NALCN: variants seen among roughly 807,000 people sequenced by gnomAD.
The protein encoded by NALCN is sodium leak channel NALCN.
NALCN carries 111 observed loss-of-function variants against 225.3 expected under a neutral mutation model. The observed-to-expected ratio is 0.49, with a 90% confidence interval of 0.42 to 0.58. NALCN has a LOEUF of 0.58. Ranked by LOEUF, NALCN falls within the 20% of genes least tolerant of loss-of-function variation. NALCN has a pLI of 0.00. For synonymous variants in NALCN, 764 were observed against 769.0 expected, an observed-to-expected ratio of 0.99 and a Z score of 0.11; for missense variants, 1,378 against 2,202.4, an observed-to-expected ratio of 0.63 and a Z score of 7.49.
intron 6 of NALCN, among the ~76,000 whole-genome samples, chr13:101,346,396 C>A (rs1324742135): frequency 6.6e-6 from 1 of 151,992 alleles, no homozygotes; most frequent in Non-Finnish European, 1.5e-5. Context: ...ACTGTGGGCA[C>A]ACATTTTACT....
chr13:101,270,957 A>G (rs1191277909), intron 10 of NALCN, among the ~76,000 whole-genome samples: 1 of 152,242 alleles, frequency 6.6e-6, no homozygotes, highest in Admixed American at 6.5e-5. Flanking sequence ...TCCAATGGAC[A>G]TTTTAAAAAT....
chr13:101,395,796 C>T (rs1157152728), intron 2 of NALCN, among the ~76,000 whole-genome samples: 1 of 151,864 alleles, frequency 6.6e-6, no homozygotes. Flanking sequence ...CATTTTTGTA[C>T]TATAAGTACC....
At chr13:101,153,532 T>C (rs910141005) in intron 15 of NALCN, among the ~76,000 whole-genome samples, 5 of 152,354 alleles carry the variant, frequency 3.3e-5, no homozygotes, top group Middle Eastern at 3.4e-3. Context: ...CTCCTGATCA[T>C]GCCTCCTTTG....
chr13:101,407,689 T>C (rs1414458444), intron 1 of NALCN, among the ~76,000 whole-genome samples: 2 of 152,134 alleles, frequency 1.3e-5, no homozygotes, highest in African/African-American at 2.4e-5. Flanking sequence ...CCCACATGAA[T>C]TGGAAGCAAG....
intron 7 of NALCN, among the ~76,000 whole-genome samples, chr13:101,297,780 TC>T (rs1322854950): frequency 1.3e-5 from 2 of 152,240 alleles, no homozygotes; most frequent in Admixed American, 1.3e-4. Flanking sequence ...GGCCTGATTA[TC>T]CGGCTTCATT....
In NALCN at chr13:101,107,334, G is replaced by A. The variant is rs528347722; in HGVS notation, c.2579+153C>T. Among the ~76,000 whole-genome samples the A allele has an allele frequency of 1.3e-3, 198 of 152,274 alleles. 3 individuals are homozygous for A. Among genetic ancestry groups the A allele is most frequent in the African/African-American group, 4.4e-3 (183 of 41,548 alleles). On this transcript the variant is annotated intron_variant, in intron 22 of 43. Coordinates refer to ENST00000251127, the MANE Select transcript of NALCN (RefSeq NM_052867.4). ...TGCGACCTTTGTTTTCCACCTGGTC[G>A]GGTGTTCAGCAAAGAGGAGCAGCAT...
intron 10 of NALCN, among the ~76,000 whole-genome samples, chr13:101,269,530 G>A (rs1212650230): frequency 6.6e-6 from 1 of 152,126 alleles, no homozygotes; most frequent in Non-Finnish European, 1.5e-5. Flanking sequence ...CTAAAAGAGG[G>A]ATGCTGTAAC....
At chr13:101,068,488 A>C (rs2032602048) in intron 38 of NALCN, among the ~76,000 whole-genome samples, 1 of 152,218 alleles carries the variant, frequency 6.6e-6, no homozygotes, top group Admixed American at 6.5e-5. Flanking sequence ...GATCATAATA[A>C]ATGCTACAAC....
At chr13:101,128,730 A>ATTT (rs11290264) in intron 17 of NALCN, among the ~76,000 whole-genome samples, 3 of 145,756 alleles carry the variant, frequency 2.1e-5, no homozygotes, top group African/African-American at 7.6e-5. Flanking sequence ...GCTAAGTAAC[A>ATTT]TTTTTTTTTT....
intron 7 of NALCN, among the ~76,000 whole-genome samples, chr13:101,334,188 A>G (rs1351008338): frequency 6.6e-6 from 1 of 152,004 alleles, no homozygotes; most frequent in Non-Finnish European, 1.5e-5. Flanking sequence ...ACGTGTGCAC[A>G]CACACACACA....
At chr13:101,416,744 C>G (rs1158000432), upstream of NALCN, among the ~76,000 whole-genome samples, 2 of 151,808 alleles carry the variant, frequency 1.3e-5, no homozygotes, top group African/African-American at 4.8e-5. Flanking sequence ...ACAGCAACAG[C>G]TAGGCTCTCA....
At chr13:101,339,591 A>G (rs921959039) in intron 7 of NALCN, among the ~76,000 whole-genome samples, 1 of 152,196 alleles carries the variant, frequency 6.6e-6, no homozygotes, top group Non-Finnish European at 1.5e-5. Flanking sequence ...TGCACATCAC[A>G]GCATGGCTGT....
chr13:101,267,633 G>A (rs1347087715), intron 10 of NALCN, among the ~76,000 whole-genome samples: 1 of 152,194 alleles, frequency 6.6e-6, no homozygotes, highest in Non-Finnish European at 1.5e-5. Flanking sequence ...AGCCTAGCCT[G>A]TTGCATGGTG....
At chr13:101,352,651 T>G (rs76527122) in intron 6 of NALCN, among the ~76,000 whole-genome samples, 4,922 of 152,240 alleles carry the variant, frequency 0.032, 273 homozygotes, top group African/African-American at 0.11. Context: ...ATGGATACTG[T>G]GACTGATGCA....
chr13:101,171,559 C>T (rs2038721670), intron 15 of NALCN, among the ~76,000 whole-genome samples: 2 of 152,052 alleles, frequency 1.3e-5, no homozygotes, highest in Non-Finnish European at 2.9e-5. Flanking sequence ...AAAGATTACG[C>T]TGCCCTATTG....
At position 101,071,214 on chromosome 13, in the gene NALCN, G is replaced by C. The variant is rs549867746; in HGVS notation, c.4197+2370C>G. ...CTAGGATTTTTGGAATGGTAAATGA[G>C]CATTGGCTTCCACTGAAAGTCACCA... On this transcript the variant is annotated intron_variant, in intron 37 of 43. Transcript: ENST00000251127. Among the ~76,000 whole-genome samples, 6 of 152,312 alleles carry C rather than the reference G, an allele frequency of 3.9e-5. No individual in the cohort carries two copies. In the South Asian group the frequency reaches 1.0e-3, roughly 26 times the overall value.
chr13:101,124,023 C>T (rs1311149929), intron 18 of NALCN, among the ~76,000 whole-genome samples: 1 of 152,142 alleles, frequency 6.6e-6, no homozygotes, highest in African/African-American at 2.4e-5. Context: ...ATTCTAAATG[C>T]CTATGTGTTT....
intron 7 of NALCN, among the ~76,000 whole-genome samples, chr13:101,330,550 G>A (rs184014104): frequency 6.6e-6 from 1 of 152,336 alleles, no homozygotes; most frequent in Admixed American, 6.5e-5. Context: ...GGGCAAAAGA[G>A]TCTCCTCAGA....
chr13:101,385,192 G>C (rs1453935596), intron 3 of NALCN, among the ~76,000 whole-genome samples: 1 of 152,006 alleles, frequency 6.6e-6, no homozygotes, highest in Admixed American at 6.6e-5. Flanking sequence ...CTTTGAGCTC[G>C]GCATGTACCT....
Sources: allele counts gnomAD v4.1 joint callset (sites outside exome capture counted in the v4.1 genomes callset), GRCh38; gene constraint gnomAD v4.1.1; transcripts MANE v1.5; gene names NCBI Gene and HGNC (gene_info 2026-07-23, HGNC 2026-07-21).